ANXA8: variants seen among roughly 807,000 people sequenced by gnomAD.
ANXA8 encodes VAC-beta.
ANXA8 carries 9 observed loss-of-function variants against 26.8 expected under a neutral mutation model. The observed-to-expected ratio is 0.34, with a 90% CI of 0.20 to 0.59. The LOEUF is 0.59. ANXA8 is among the 20% of genes least tolerant of loss of function. The probability of loss-of-function intolerance (pLI) is 0.84; values close to 1 mark genes in which losing one functional copy is unlikely to be tolerated. For missense variants in ANXA8, 83 were observed against 238.5 expected (o/e 0.35, Z 4.29); for synonymous variants, 39 against 94.8 (o/e 0.41, Z 3.42).
the ANXA8 span, among the ~76,000 whole-genome samples, chr10:47,594,706 T>A: frequency 6.7e-5 from 10 of 148,310 alleles, no homozygotes; most frequent in East Asian, 1.7e-3. Context: ...AACCCAGTCA[T>A]GCAAAAATAA....
chr10:47,733,219 T>TTCTTTCTTTCTCTTTCTTTC, the ANXA8 span, among the ~76,000 whole-genome samples: 6 of 68,102 alleles, frequency 8.8e-5, no homozygotes, highest in South Asian at 5.2e-4. Context: ...CTTTCTTTCT[T>TTCTTTCTTTCTCTTTCTTTC]TCTCTTTCTT....
upstream of ANXA8, among the ~76,000 whole-genome samples, chr10:47,486,765 C>A (rs1217194979): frequency 1.5e-5 from 2 of 136,306 alleles, no homozygotes; most frequent in Non-Finnish European, 3.2e-5. Flanking sequence ...GCCTGGCTAA[C>A]ATGGTGAAAC....
chr10:47,651,258 G>A, the ANXA8 span, among the ~76,000 whole-genome samples: 1 of 145,636 alleles, frequency 6.9e-6, no homozygotes, highest in Non-Finnish European at 1.5e-5. Context: ...CCACTAGAAT[G>A]ACTATAATAA....
chr10:47,474,386 C>T lies in ANXA8; in HGVS notation c.565G>A (p.Ala189Thr). 1 of 1,497,942 alleles carries T rather than the reference C, an allele frequency of 6.7e-7. No homozygotes were observed. The highest frequency in any genetic ancestry group is 1.8e-5 in the Admixed American group (1 of 55,388). 92.8% of individuals were successfully genotyped at this position (1,497,942 alleles called of 1,614,324 possible). ...ALQDAQDLYA[A>T]GEKIRGTDEM... is the part of the protein sequence containing the mutation. ...TCAGTCCCACGAATCTTCTCGCCTG[C>T]CGCATACAGATCCTAGCATTGGGAC... is the stretch of plus-strand genomic sequence containing the variant. Residue 189 changes from alanine (A) to threonine (T), a missense_variant, in exon 8 of 12, where the codon GCA (alanine) becomes ACA (threonine). Transcript: ENST00000585281.
At chr10:47,747,223 G>T in the ANXA8 span, among the ~76,000 whole-genome samples, 1 of 152,060 alleles carries the variant, frequency 6.6e-6, no homozygotes, top group African/African-American at 2.4e-5. Context: ...TCTTCAGCTG[G>T]AGAGACAAGA....
At chr10:47,510,069 T>C in the ANXA8 span, 10 of 1,488,548 alleles carry the variant, frequency 6.7e-6, 3 homozygotes, top group Middle Eastern at 5.1e-4. Context: ...CAATATATGG[T>C]TGACTCCAAT....
chr10:47,664,540 C>T, the ANXA8 span, among the ~76,000 whole-genome samples: 1 of 151,082 alleles, frequency 6.6e-6, no homozygotes, highest in Non-Finnish European at 1.5e-5. Flanking sequence ...TGCACTCCAG[C>T]CTGGGCTACA....
chr10:47,986,684 C>T, the ANXA8 span: 1 of 359,826 alleles, frequency 2.8e-6, no homozygotes, highest in African/African-American at 2.2e-5. Context: ...CAACACAACG[C>T]GTCACTCCGG....
the ANXA8 span, among the ~76,000 whole-genome samples, chr10:47,617,623 C>A: frequency 8.8e-4 from 129 of 147,154 alleles, no homozygotes; most frequent in African/African-American, 3.2e-3. Flanking sequence ...GTTTTATATG[C>A]CATGTTTTGT....
At chr10:47,768,590 CGGCTGGCCAG>C in the ANXA8 span, among the ~76,000 whole-genome samples, 2 of 150,510 alleles carry the variant, frequency 1.3e-5, no homozygotes, top group Admixed American at 1.3e-4. Flanking sequence ...CCACCTCCTA[CGGCTGGCCAG>C]GGCTGGGGAG....
chr10:47,771,967 TTACACCA>T, the ANXA8 span, among the ~76,000 whole-genome samples: 1 of 151,684 alleles, frequency 6.6e-6, no homozygotes, highest in African/African-American at 2.4e-5. Context: ...TAAATAGGGC[TTACACCA>T]TAAGAAGATT....
At chr10:47,527,685 C>A in the ANXA8 span, among the ~76,000 whole-genome samples, 2 of 140,780 alleles carry the variant, frequency 1.4e-5, no homozygotes, top group Non-Finnish European at 3.1e-5. Context: ...GGATGTCAGG[C>A]AGTGGGCAAA....
chr10:47,526,019 A>G, the ANXA8 span, among the ~76,000 whole-genome samples: 7 of 136,364 alleles, frequency 5.1e-5, 1 homozygote, highest in African/African-American at 1.9e-4. Context: ...GATCAGGCCC[A>G]CCTCAGCCTC....
the ANXA8 span, among the ~76,000 whole-genome samples, chr10:47,685,346 C>CAAA: frequency 1.2e-5 from 1 of 82,980 alleles, no homozygotes; most frequent in Non-Finnish European, 2.6e-5. Flanking sequence ...GAATCTGTCT[C>CAAA]AAAAAAAAAA....
the ANXA8 span, among the ~76,000 whole-genome samples, chr10:47,533,464 AG>A: frequency 6.6e-6 from 1 of 150,442 alleles, no homozygotes; most frequent in Non-Finnish European, 1.5e-5. Context: ...TAAAATGATG[AG>A]GGGGAACCTT....
the ANXA8 span, among the ~76,000 whole-genome samples, chr10:47,637,581 G>T: frequency 8.0e-6 from 1 of 125,298 alleles, no homozygotes. Flanking sequence ...TTTTTCTTGT[G>T]AGTTATTCTC....
At chr10:47,508,980 G>A in the ANXA8 span, among the ~76,000 whole-genome samples, 7 of 131,940 alleles carry the variant, frequency 5.3e-5, no homozygotes, top group Non-Finnish European at 1.1e-4. Context: ...TCTTCTTGAA[G>A]CCAATTTGCC....
chr10:47,587,973 A>G, the ANXA8 span, among the ~76,000 whole-genome samples: 1 of 144,738 alleles, frequency 6.9e-6, no homozygotes, highest in Admixed American at 6.7e-5. Flanking sequence ...TTATCCCTCG[A>G]GCTGGCACAA....
chr10:47,557,642 T>C, the ANXA8 span, among the ~76,000 whole-genome samples: 12 of 151,760 alleles, frequency 7.9e-5, no homozygotes, highest in Non-Finnish European at 1.6e-4. Context: ...ATTTTATAAA[T>C]AGTTGCTGAA....
Sources: gnomAD v4.1 joint callset for allele counts (sites outside exome capture counted in the v4.1 genomes callset) on GRCh38, gnomAD v4.1.1 for gene constraint, MANE v1.5 for transcripts, NCBI Gene and HGNC (gene_info 2026-07-23, HGNC 2026-07-21) for gene names.